Variants in EXPH5 observed in about 807,000 individuals in gnomAD.
EXPH5 encodes exophilin-5.
In EXPH5, 42 loss-of-function variants were observed where a neutral mutation model predicts 41.1. The observed-to-expected ratio is 1.02, with a 90% CI of 0.80 to 1.32. The LOEUF is 1.32. Among genes scored for constraint, EXPH5 ranks in the 40% most tolerant of loss-of-function variants. The pLI is 0.00. For synonymous variants in EXPH5, 798 were observed against 833.5 expected (o/e 0.96, Z 0.73); for missense variants, 2,298 against 2,314.5 (o/e 0.99, Z 0.15).
chr11:108,561,666 T>C (rs1181396144), intron 1 of EXPH5, among the ~76,000 whole-genome samples: 1 of 152,202 alleles, frequency 6.6e-6, no homozygotes, highest in Non-Finnish European at 1.5e-5. Context: ...ATTCTATTTG[T>C]TCTATTTTGG....
intron 1 of EXPH5, among the ~76,000 whole-genome samples, chr11:108,561,005 G>A (rs2094008973): frequency 6.6e-6 from 1 of 152,100 alleles, no homozygotes; most frequent in Non-Finnish European, 1.5e-5. Context: ...CCTAAAAGAA[G>A]CTTTGTTACA....
chr11:108,548,101 T>C (rs1339796297), intron 1 of EXPH5, among the ~76,000 whole-genome samples: 2 of 101,108 alleles, frequency 2.0e-5, no homozygotes, highest in African/African-American at 7.5e-5. Flanking sequence ...AGAGTGACAC[T>C]TCATCTTTAA....
In EXPH5 at chr11:108,536,280, C is replaced by CT. The variant is rs779211146; in HGVS notation, c.443+2743dup. Among the ~76,000 whole-genome samples the CT allele has an allele frequency of 3.2e-3, 452 of 140,472 alleles. 6 individuals carry two copies. The highest frequency in any genetic ancestry group is 8.6e-3 in the African/African-American group (333 of 38,540). 92.2% of individuals were successfully genotyped at this position (140,472 alleles called of 152,430 possible). A position where few individuals can be genotyped will look rare whatever the true frequency, so the allele number is the denominator to read the frequency against. On this transcript the variant is annotated intron_variant, in intron 3 of 5. Transcript: ENST00000265843. ...AGGCAGAAGTGGTAAATCTTTTTGC[C>CT]TTTTTTTTTTTTTTGAAACAGGGTT...
the EXPH5 span, among the ~76,000 whole-genome samples, chr11:108,601,506 T>C: frequency 6.6e-6 from 1 of 152,246 alleles, no homozygotes; most frequent in Non-Finnish European, 1.5e-5. Context: ...CAGATGCCCT[T>C]CTACTTCTGG....
At chr11:108,597,817 C>T (rs1423436528), upstream of EXPH5, among the ~76,000 whole-genome samples, 2 of 151,778 alleles carry the variant, frequency 1.3e-5, no homozygotes, top group Non-Finnish European at 2.9e-5. Context: ...AGGAAAAAGA[C>T]CAAAGAAATT....
rs2094133962 is a variant in EXPH5 at position 108,593,610 on chromosome 11, A to C, written c.-74T>G. On this transcript the variant is annotated 5_prime_UTR_variant, in exon 1 of 6. Transcript: ENST00000265843. ...TAGGAAGGCATTTTTCAACCTGTACAAGACCAGTTTCACGAACTTGATCCC... is the reference window on the plus strand; with the variant it reads ...TAGGAAGGCATTTTTCAACCTGTACCAGACCAGTTTCACGAACTTGATCCC... 3 of 1,611,188 alleles carry C rather than the reference A, an allele frequency of 1.9e-6. No individual in the cohort carries two copies. The highest frequency in any genetic ancestry group is 2.5e-6 in the Non-Finnish European group (3 of 1,178,580).
At position 108,514,287 on chromosome 11, in the gene EXPH5, C is replaced by G; in HGVS notation, c.1220G>C (p.Arg407Thr). 1 of 1,613,798 alleles carries G rather than the reference C, an allele frequency of 6.2e-7. No homozygotes were observed. Among genetic ancestry groups the G allele is most frequent in the South Asian group, 1.1e-5 (1 of 90,940 alleles). Residue 407 changes from arginine (R) to threonine (T), a missense_variant, in exon 6 of 6, where the codon AGG (arginine) becomes ACG (threonine). Arg to Thr is a moderately conservative substitution (Grantham distance 71). Coordinates refer to ENST00000265843, the MANE Select transcript of EXPH5 (RefSeq NM_015065.3). ...ATATCTCTTATTCTCCTGAAAACCC[C>G]TGGGATACACATACTTGTCAGCGGG... ...IDPADKYVYP[R>T]GFQENKRYES...
chr11:108,549,604 C>T (rs1382609960), intron 1 of EXPH5, among the ~76,000 whole-genome samples: 2 of 152,144 alleles, frequency 1.3e-5, no homozygotes, highest in African/African-American at 4.8e-5. Flanking sequence ...GATAGCTGTC[C>T]ATTTATCTCC....
chr11:108,554,953 C>A (rs113534550), intron 1 of EXPH5, among the ~76,000 whole-genome samples: 2,016 of 152,260 alleles, frequency 0.013, 38 homozygotes, highest in African/African-American at 0.045. Flanking sequence ...GAGAGGGAAT[C>A]ATCCTCAGAT....
Position 108,573,184 on chromosome 11 carries a change from GAA to G in EXPH5, c.119+20232_119+20233del, listed in dbSNP as rs776283553. Among the ~76,000 whole-genome samples, 438 of 140,366 alleles carry G rather than the reference GAA, an allele frequency of 3.1e-3. 6 individuals carry two copies. Among genetic ancestry groups the G allele is most frequent in the African/African-American group, 8.7e-3 (287 of 33,152 alleles). The allele number at this position is 140,366 out of a possible 152,430, so 92.1% of individuals were successfully genotyped here. On this transcript the variant is annotated intron_variant, in intron 1 of 5. Coordinates refer to ENST00000265843, the MANE Select transcript of EXPH5 (RefSeq NM_015065.3). The stretch of plus-strand genomic sequence containing the variant: ...AGAAAGAAAGAAAGAAAGAAAGAAA[GAA>G]AGAAAGAAAGAAAAAGAAAGAAAGA...
chr11:108,578,028 A>G (rs1207231512), intron 1 of EXPH5, among the ~76,000 whole-genome samples: 3 of 152,142 alleles, frequency 2.0e-5, no homozygotes, highest in Non-Finnish European at 4.4e-5. Context: ...GCTGTGGAGA[A>G]GCTTTTTAGC....
chr11:108,570,646 C>T (rs1432919927), intron 1 of EXPH5, among the ~76,000 whole-genome samples: 6 of 152,258 alleles, frequency 3.9e-5, no homozygotes, highest in African/African-American at 1.4e-4. Context: ...TGTGCTCAAG[C>T]GATTCTGCCA....
intron 3 of EXPH5, among the ~76,000 whole-genome samples, chr11:108,532,339 G>GATATATATATATATATATATATATAT (rs761444200): frequency 4.3e-5 from 1 of 23,422 alleles, no homozygotes; most frequent in Non-Finnish European, 7.3e-5. Context: ...CACCACACTG[G>GATATATATATATATATATATATATAT]ATATATATAT....
rs199949042 is a variant in EXPH5 at position 108,567,392 on chromosome 11, C to T, written c.120-25580G>A. On this transcript the variant is annotated intron_variant, in intron 1 of 5. Coordinates refer to ENST00000265843, the MANE Select transcript of EXPH5 (RefSeq NM_015065.3). ...GTCATTCTCCTTTACCTACCTCCCA[C>T]TTATCCACCTGCCACTTCAATGCCA... Among the ~76,000 whole-genome samples the T allele has an allele frequency of 5.5e-3, 845 of 152,312 alleles. 2 individuals carry two copies. The highest frequency in any genetic ancestry group is 0.017 in the African/African-American group (704 of 41,568).
chr11:108,541,885 AC>A, intron 1 of EXPH5, 73 bp from the exon 2 acceptor site: 1 of 1,300,492 alleles, frequency 7.7e-7, no homozygotes, highest in Non-Finnish European at 1.0e-6. Flanking sequence ...AAATCAATGT[AC>A]TTTTTTTTTG....
chr11:108,510,519 C>G lies in EXPH5; in HGVS notation c.4988G>C (p.Gly1663Ala), dbSNP rs1416511347. 4 of 1,614,014 alleles carry G rather than the reference C, an allele frequency of 2.5e-6. No individual in the cohort carries two copies. The African/African-American group carries it at 4.0e-5, about 16-fold the overall frequency. The change falls in exon 6 of 6, where the codon GGA becomes GCA. Residue 1663 changes from glycine to alanine, a missense_variant. By Grantham distance (60) the Gly-to-Ala change is moderately conservative. Coordinates refer to ENST00000265843, the MANE Select transcript of EXPH5 (RefSeq NM_015065.3). Reference sequence around the variant, plus strand: ...GTTCTCGGATTTCTTCACATGCTTTCCGTTCTCACTCAACCTGCTTTCGCC... The same window carrying G: ...GTTCTCGGATTTCTTCACATGCTTTGCGTTCTCACTCAACCTGCTTTCGCC... ...SIGESRLSENGKHVKKSENLL... is the reference protein window; with the variant it reads ...SIGESRLSENAKHVKKSENLL...
Position 108,513,714 on chromosome 11 carries a change from A to G in EXPH5, c.1793T>C (p.Val598Ala). The G allele has an allele frequency of 5.0e-6, 8 of 1,612,648 alleles. No individual in the cohort carries two copies. The highest frequency in any genetic ancestry group is 6.8e-6 in the Non-Finnish European group (8 of 1,179,512). Residue 598 changes from valine to alanine, a missense_variant, in exon 6 of 6, where the codon GTA becomes GCA. Val to Ala is a moderately conservative substitution (Grantham distance 64). Transcript: ENST00000265843. Reference sequence around the variant, plus strand: ...TACAGGAGAACTGTCCTGTTGACTTACCAACTCACTAGATTTGACGTGATA... The same window carrying G: ...TACAGGAGAACTGTCCTGTTGACTTGCCAACTCACTAGATTTGACGTGATA... ...SSYHVKSSEL[V>A]SQQDSSPVEV...
chr11:108,514,478 A>C lies in EXPH5; in HGVS notation c.1029T>G (p.His343Gln). The C allele has an allele frequency of 1.9e-6, 3 of 1,613,228 alleles. No homozygotes were observed. The highest frequency in any genetic ancestry group is 2.5e-6 in the Non-Finnish European group (3 of 1,179,662). ...ATGHFTARSLHFPATTQSKSG... is the reference protein window; with the variant it reads ...ATGHFTARSLQFPATTQSKSG... The stretch of plus-strand genomic sequence containing the variant: ...TCTTGCTCTGAGTTGTGGCTGGAAA[A>C]TGTAAGCTTCTTGCTGTGAAATGCC... Residue 343 changes from histidine (H) to glutamine (Q), a missense_variant, in exon 6 of 6, where the codon CAT becomes CAG. Transcript: ENST00000265843.
In EXPH5 at chr11:108,506,213, T is replaced by G. The variant is rs944728225; in HGVS notation, c.*3324A>C. The stretch of plus-strand genomic sequence containing the variant: ...AATGACTATTATAAGTTACCATAGC[T>G]ATACCAAAAATGAACATTAAAATGC... On this transcript the variant is annotated 3_prime_UTR_variant, in exon 6 of 6. Transcript: ENST00000265843. The G allele has an allele frequency of 5.3e-5, 8 of 152,190 alleles. No homozygotes were observed. Among genetic ancestry groups the G allele is most frequent in the African/African-American group, 1.9e-4 (8 of 41,456 alleles). The allele number at this position is 152,190 out of a possible 1,614,324, so 9.4% of individuals were successfully genotyped here.
Sources: allele counts gnomAD v4.1 joint callset (sites outside exome capture counted in the v4.1 genomes callset), GRCh38; gene constraint gnomAD v4.1.1; transcripts MANE v1.5; gene names NCBI Gene and HGNC (gene_info 2026-07-23, HGNC 2026-07-21).